TXNDC11: variants seen among roughly 807,000 people sequenced by gnomAD.
The protein encoded by TXNDC11 is thioredoxin domain-containing protein 11.
In TXNDC11, 68 loss-of-function variants were observed where a neutral mutation model predicts 78.0. The ratio of observed to expected loss-of-function variants is 0.87; its 90% CI spans 0.72 to 1.07. The LOEUF (loss-of-function observed/expected upper bound fraction) is 1.07, where lower values mean the gene tolerates loss of function less well. Ranked by LOEUF, TXNDC11 falls within the 50% of genes least tolerant of loss-of-function variation. The pLI, the probability that TXNDC11 is intolerant of heterozygous loss-of-function variation, is 0.00. For missense variants in TXNDC11, 1,389 were observed against 1,221.8 expected (o/e 1.14, Z -2.04); for synonymous variants, 571 against 495.2 (o/e 1.15, Z -2.03).
Position 11,679,812 on chromosome 16 carries a change from C to T in TXNDC11, c.2260G>A (p.Glu754Lys), listed in dbSNP as rs151125071. ...NRKDLSVKYP[E>K]DVPITLPNLL... Reference sequence around the variant, plus strand: ...TTTGGAAGGGTGATGGGGACGTCTTCGGGGTATTTCACACTTAGGTCCTTT... The same window carrying T: ...TTTGGAAGGGTGATGGGGACGTCTTTGGGGTATTTCACACTTAGGTCCTTT... The change falls in exon 12 of 12, where the codon GAA becomes AAA. Residue 754 changes from glutamate to lysine, a missense_variant. By Grantham distance (56) the Glu-to-Lys change is moderately conservative (BLOSUM62 1). Coordinates refer to ENST00000283033, the MANE Select transcript of TXNDC11 (RefSeq NM_015914.7). This position sits in a 1 kb window ranked among gnomAD's most constrained non-coding sequence, Gnocchi z 4.6. 33 of 1,612,786 alleles carry T rather than the reference C, an allele frequency of 2.0e-5. No homozygotes were observed. The highest frequency in any genetic ancestry group is 1.7e-4 in the Middle Eastern group (1 of 6,002).
At chr16:11,700,340 T>A (rs1405946821) in intron 6 of TXNDC11, 112 bp downstream of exon 6, 2 of 508,546 alleles carry the variant, frequency 3.9e-6, no homozygotes, top group African/African-American at 4.0e-5. Flanking sequence ...TAAAATCATA[T>A]GCGCTTTTCT....
At position 11,691,369 on chromosome 16, in the gene TXNDC11, T is replaced by G; in HGVS notation, c.1821A>C (p.Glu607Asp). The change falls in exon 8 of 12, where the codon GAA becomes GAC. Residue 607 changes from glutamate (E) to aspartate (D), a missense_variant. By Grantham distance (45) the Glu-to-Asp change is conservative. Transcript: ENST00000283033. Reference protein sequence around the residue: ...LGAPSSTQVKEFAAIVDVKEE... With the variant: ...LGAPSSTQVKDFAAIVDVKEE... ...CTTTCACGTCAACAATTGCCGCAAA[T>G]TCTTTCACCTGAGTGGAGCTCGGAG... 6.2e-7 allele frequency: 1 copy of G among 1,614,242 alleles called. No individual in the cohort carries two copies. Among genetic ancestry groups the G allele is most frequent in the Non-Finnish European group, 8.5e-7 (1 of 1,180,034 alleles).
At chr16:11,708,053 C>T (rs2051235652) in intron 5 of TXNDC11, among the ~76,000 whole-genome samples, 1 of 152,080 alleles carries the variant, frequency 6.6e-6, no homozygotes, top group South Asian at 2.1e-4. Context: ...CACTGCACTC[C>T]AGCCTGGACA....
At position 11,712,215 on chromosome 16, in the gene TXNDC11, G is replaced by C. The variant is rs74008202; in HGVS notation, c.793+9362C>G. Among the ~76,000 whole-genome samples, 295 of 152,264 alleles carry C rather than the reference G, an allele frequency of 1.9e-3. 2 individuals are homozygous for C. Among genetic ancestry groups the C allele is most frequent in the African/African-American group, 6.9e-3 (285 of 41,542 alleles). On this transcript the variant is annotated intron_variant, in intron 5 of 11. Coordinates refer to ENST00000283033, the MANE Select transcript of TXNDC11 (RefSeq NM_015914.7). Reference sequence around the variant, plus strand: ...AAGGTGCAATTTTTCAAATACCTGGGATCGAGGGATCAAAATCTCTCTAAA... The same window carrying C: ...AAGGTGCAATTTTTCAAATACCTGGCATCGAGGGATCAAAATCTCTCTAAA...
chr16:11,729,428 T>C (rs1251077843), intron 4 of TXNDC11, among the ~76,000 whole-genome samples: 1 of 148,978 alleles, frequency 6.7e-6, no homozygotes, highest in Non-Finnish European at 1.5e-5. Flanking sequence ...GATATACTGC[T>C]GCTTGGGGAA....
At chr16:11,717,123 A>G (rs901874545) in intron 5 of TXNDC11, among the ~76,000 whole-genome samples, 1 of 151,272 alleles carries the variant, frequency 6.6e-6, no homozygotes, top group Non-Finnish European at 1.5e-5. Context: ...AAAAAAAAAA[A>G]GCAAGAAAAA....
chr16:11,707,592 G>A (rs1055634170), intron 5 of TXNDC11, among the ~76,000 whole-genome samples: 4 of 151,626 alleles, frequency 2.6e-5, no homozygotes, highest in Non-Finnish European at 4.4e-5. Flanking sequence ...AGGATTGCAG[G>A]CGTGCACCAC....
chr16:11,724,794 G>A (rs2051824689), intron 4 of TXNDC11, among the ~76,000 whole-genome samples: 1 of 152,050 alleles, frequency 6.6e-6, no homozygotes, highest in Non-Finnish European at 1.5e-5. Flanking sequence ...CGCCAAGGCT[G>A]GCGTGCAGTG....
intron 5 of TXNDC11, among the ~76,000 whole-genome samples, chr16:11,712,929 A>AACACAC (rs111887849): frequency 0.039 from 5,544 of 142,020 alleles, 339 homozygotes; most frequent in African/African-American, 0.13. Flanking sequence ...TTCCACTTAA[A>AACACAC]ACACACACAC....
intron 7 of TXNDC11, among the ~76,000 whole-genome samples, chr16:11,696,945 C>T (rs1031563812): frequency 2.0e-5 from 3 of 152,174 alleles, no homozygotes; most frequent in African/African-American, 7.2e-5. Context: ...AGCCACACCA[C>T]CTTGACCGAA....
At chr16:11,681,277 C>T (rs1018149638) in intron 11 of TXNDC11, among the ~76,000 whole-genome samples, 4 of 152,218 alleles carry the variant, frequency 2.6e-5, no homozygotes, top group South Asian at 2.1e-4. Flanking sequence ...CCACGTTCTG[C>T]GGCACAAGCC....
At chr16:11,713,404 T>TAAGG (rs1169500392) in intron 5 of TXNDC11, among the ~76,000 whole-genome samples, 1 of 152,034 alleles carries the variant, frequency 6.6e-6, no homozygotes, top group Non-Finnish European at 1.5e-5. Context: ...TGTGGGGACA[T>TAAGG]AAAGTATGGA....
chr16:11,685,423 A>G (rs541112543), intron 10 of TXNDC11, among the ~76,000 whole-genome samples: 1 of 152,270 alleles, frequency 6.6e-6, no homozygotes, highest in South Asian at 2.1e-4. Flanking sequence ...AGGCAGGCAG[A>G]TCACGAGGTC....
At chr16:11,681,319 C>A (rs2050419705) in intron 11 of TXNDC11, among the ~76,000 whole-genome samples, 1 of 152,256 alleles carries the variant, frequency 6.6e-6, no homozygotes, top group Non-Finnish European at 1.5e-5. Flanking sequence ...ACGTGAATTA[C>A]TTCCCAGAAA....
intron 1 of TXNDC11, among the ~76,000 whole-genome samples, chr16:11,738,681 G>A (rs978632153): frequency 6.7e-6 from 1 of 150,208 alleles, no homozygotes; most frequent in African/African-American, 2.5e-5. Context: ...AAAAAGACAC[G>A]TTTTCAAGAG....
intron 5 of TXNDC11, among the ~76,000 whole-genome samples, chr16:11,707,975 T>G (rs1229765750): frequency 6.6e-6 from 1 of 152,016 alleles, no homozygotes; most frequent in African/African-American, 2.4e-5. Flanking sequence ...TCCTAGCTAC[T>G]TGGGAGGCTG....
At chr16:11,708,501 G>C (rs955410452) in intron 5 of TXNDC11, among the ~76,000 whole-genome samples, 1 of 152,140 alleles carries the variant, frequency 6.6e-6, no homozygotes, top group African/African-American at 2.4e-5. Context: ...AGAAACTCCA[G>C]GTCTGAACAA....
chr16:11,691,127 A>G, intron 8 of TXNDC11, 163 bp downstream of exon 8: 1 of 623,320 alleles, frequency 1.6e-6, no homozygotes, highest in East Asian at 2.8e-5. Flanking sequence ...AGACAAAATT[A>G]GCTTCTTTGA....
intron 11 of TXNDC11, among the ~76,000 whole-genome samples, chr16:11,683,602 A>G (rs529973047): frequency 3.3e-5 from 5 of 152,258 alleles, no homozygotes; most frequent in Non-Finnish European, 5.9e-5. Context: ...TGCGTCCTCC[A>G]TATGTTCATA....
Sources: gnomAD v4.1 joint callset for allele counts (sites outside exome capture counted in the v4.1 genomes callset) on GRCh38, gnomAD v4.1.1 for gene constraint, Gnocchi (gnomAD v3.1) non-coding constraint, MANE v1.5 for transcripts, NCBI Gene and HGNC (gene_info 2026-07-23, HGNC 2026-07-21) for gene names.